Variants in TEAD1 observed in about 807,000 individuals in gnomAD.
TEAD1 encodes the protein TEA domain transcription factor 1.
TEAD1 carries 9 observed loss-of-function variants against 54.9 expected under a neutral mutation model. That is an observed-to-expected ratio of 0.16 (90% confidence interval 0.10 to 0.29). The LOEUF (loss-of-function observed/expected upper bound fraction) is 0.29. Ranked by LOEUF, TEAD1 falls within the 10% of genes least tolerant of loss-of-function variation. TEAD1 has a pLI of 1.00. For missense variants in TEAD1, 387 were observed against 535.9 expected (o/e 0.72, Z 2.74); for synonymous variants, 200 against 187.8 (o/e 1.07, Z -0.53).
In TEAD1 at chr11:12,798,042, C is replaced by T. The variant is rs550918543; in HGVS notation, c.202+33608C>T. On this transcript the variant is annotated intron_variant, in intron 3 of 12. Transcript: ENST00000527636. ...TGGAAATTAAACTTTTTATTAAAGC[C>T]GTTTGTGTAACATATCAACTCTACC... 5.9e-5 allele frequency among the ~76,000 whole-genome samples: 9 copies of T among 152,300 alleles called. No homozygotes were observed. In the South Asian group the frequency reaches 1.2e-3, roughly 21 times the overall value.
At chr11:12,735,566 T>TTTA (rs1944514272) in intron 2 of TEAD1, among the ~76,000 whole-genome samples, 2 of 151,466 alleles carry the variant, frequency 1.3e-5, no homozygotes, top group African/African-American at 4.9e-5. Flanking sequence ...GGTTCGATTT[T>TTTA]TTTTTTTTTT....
At chr11:12,863,262 T>C (rs940752531) in intron 4 of TEAD1, among the ~76,000 whole-genome samples, 2 of 152,204 alleles carry the variant, frequency 1.3e-5, no homozygotes, top group African/African-American at 4.8e-5. Context: ...GGAATGCTAC[T>C]TGTGCCACAG....
At chr11:12,818,509 G>A (rs1384804852) in intron 3 of TEAD1, among the ~76,000 whole-genome samples, 3 of 152,152 alleles carry the variant, frequency 2.0e-5, no homozygotes, top group Non-Finnish European at 4.4e-5. Flanking sequence ...TAATGGCCCT[G>A]AGTCCGGCAT....
At chr11:12,839,382 G>C (rs1000056868) in intron 3 of TEAD1, among the ~76,000 whole-genome samples, 8 of 152,176 alleles carry the variant, frequency 5.3e-5, no homozygotes, top group Non-Finnish European at 1.0e-4. Flanking sequence ...CTGTACTCCA[G>C]CCTCGGTGAC....
At chr11:12,744,177 C>T (rs1944701623) in intron 2 of TEAD1, among the ~76,000 whole-genome samples, 1 of 152,188 alleles carries the variant, frequency 6.6e-6, no homozygotes, top group South Asian at 2.1e-4. Context: ...AGCACTGAGA[C>T]ATGTCCTTTT....
chr11:12,765,728 G>A (rs116035269), intron 3 of TEAD1, among the ~76,000 whole-genome samples: 1,978 of 152,270 alleles, frequency 0.013, 41 homozygotes, highest in African/African-American at 0.046. Flanking sequence ...ACACACAGGG[G>A]AGAAGGAGAC....
chr11:12,808,929 G>T (rs547969983), intron 3 of TEAD1, among the ~76,000 whole-genome samples: 1 of 152,256 alleles, frequency 6.6e-6, no homozygotes, highest in South Asian at 2.1e-4. Flanking sequence ...CATAATTCTC[G>T]CAAAATGCTG....
chr11:12,804,873 CAT>C (rs1946135805), intron 3 of TEAD1, among the ~76,000 whole-genome samples: 2 of 152,130 alleles, frequency 1.3e-5, no homozygotes, highest in South Asian at 2.1e-4. Context: ...GAAGAAACCA[CAT>C]GTCACACAAA....
At chr11:12,906,247 A>C (rs1422845321) in intron 10 of TEAD1, among the ~76,000 whole-genome samples, 4 of 152,160 alleles carry the variant, frequency 2.6e-5, no homozygotes, top group Non-Finnish European at 4.4e-5. Flanking sequence ...ACTCATGTTA[A>C]ATGTACAATT....
chr11:12,819,598 G>A (rs1188254781), intron 3 of TEAD1, among the ~76,000 whole-genome samples: 2 of 151,930 alleles, frequency 1.3e-5, no homozygotes, highest in Non-Finnish European at 2.9e-5. Flanking sequence ...ACAGGCGCCC[G>A]CCACCAAGCC....
intron 2 of TEAD1, among the ~76,000 whole-genome samples, chr11:12,690,561 AT>A (rs966363913): frequency 4.6e-5 from 7 of 152,134 alleles, no homozygotes; most frequent in Non-Finnish European, 8.8e-5. Context: ...TAAATGGGAA[AT>A]TTAGATGTTG....
At chr11:12,725,043 TTGG>T in intron 2 of TEAD1, among the ~76,000 whole-genome samples, 1 of 152,308 alleles carries the variant, frequency 6.6e-6, no homozygotes, top group Non-Finnish European at 1.5e-5. Flanking sequence ...AGGCCTGGGC[TTGG>T]TGGTGGCTGT....
At chr11:12,866,993 G>A (rs1263496390) in intron 5 of TEAD1, among the ~76,000 whole-genome samples, 1 of 152,130 alleles carries the variant, frequency 6.6e-6, no homozygotes, top group Non-Finnish European at 1.5e-5. Flanking sequence ...GTTAAGTTTG[G>A]CAATTGAAAG....
intron 2 of TEAD1, among the ~76,000 whole-genome samples, chr11:12,739,510 C>A (rs908370749): frequency 6.6e-6 from 1 of 152,100 alleles, no homozygotes; most frequent in Non-Finnish European, 1.5e-5. Flanking sequence ...CTCTAGGTAC[C>A]GCATATGAGT....
intron 12 of TEAD1, among the ~76,000 whole-genome samples, chr11:12,935,031 G>A (rs985328283): frequency 6.6e-6 from 1 of 152,136 alleles, no homozygotes; most frequent in African/African-American, 2.4e-5. Context: ...ACATACTTAG[G>A]TACCAGGGGC....
At chr11:12,802,305 A>G (rs1056425136) in intron 3 of TEAD1, among the ~76,000 whole-genome samples, 1 of 152,186 alleles carries the variant, frequency 6.6e-6, no homozygotes, top group African/African-American at 2.4e-5. Flanking sequence ...AGTGACCACA[A>G]TGTGTGTGGG....
intron 3 of TEAD1, among the ~76,000 whole-genome samples, chr11:12,773,289 A>G (rs1945350218): frequency 6.6e-6 from 1 of 152,218 alleles, no homozygotes. Flanking sequence ...ATAAATGCCC[A>G]CGAGTGTCAT....
intron 9 of TEAD1, among the ~76,000 whole-genome samples, chr11:12,884,030 C>T (rs1389486970): frequency 6.6e-6 from 1 of 151,864 alleles, no homozygotes; most frequent in Admixed American, 6.6e-5. Context: ...CAAAATGGCA[C>T]TTTAGCAGTT....
chr11:12,904,855 C>A, intron 10 of TEAD1: 1 of 360,700 alleles, frequency 2.8e-6, no homozygotes. Flanking sequence ...CAAACTGCTG[C>A]TAGAATGCTC....
Sources: gnomAD v4.1 joint callset for allele counts (sites outside exome capture counted in the v4.1 genomes callset) on GRCh38, gnomAD v4.1.1 for gene constraint, MANE v1.5 for transcripts, NCBI Gene and HGNC (gene_info 2026-07-23, HGNC 2026-07-21) for gene names.